PTPRT: variants seen among roughly 807,000 people sequenced by gnomAD.
PTPRT encodes protein tyrosine phosphatase receptor type T.
A neutral mutation model predicts 176.8 loss-of-function variants in PTPRT; 56 were observed. The ratio of observed to expected loss-of-function variants is 0.32; its 90% CI spans 0.26 to 0.40. The LOEUF is 0.40. Ranked by LOEUF, PTPRT falls within the 10% of genes least tolerant of loss-of-function variation. The pLI is 1.00. For missense variants in PTPRT, 1,540 were observed against 1,908.2 expected (o/e 0.81, Z 3.60); for synonymous variants, 783 against 739.0 (o/e 1.06, Z -0.96).
chr20:42,261,770 T>C (rs1347451262), intron 13 of PTPRT, among the ~76,000 whole-genome samples: 1 of 152,120 alleles, frequency 6.6e-6, no homozygotes, highest in East Asian at 1.9e-4. Flanking sequence ...ATAATTCAAT[T>C]CTTTCCAACC....
intron 1 of PTPRT, among the ~76,000 whole-genome samples, chr20:43,125,578 G>C (rs1273759331): frequency 6.6e-6 from 1 of 152,154 alleles, no homozygotes; most frequent in East Asian, 1.9e-4. Flanking sequence ...AGCAAAACTT[G>C]TATTTTAATT....
At chr20:42,812,634 T>C (rs2077716028) in intron 2 of PTPRT, among the ~76,000 whole-genome samples, 2 of 152,164 alleles carry the variant, frequency 1.3e-5, no homozygotes, top group Admixed American at 1.3e-4. Flanking sequence ...CAGGATTTTT[T>C]TTTTATCCAG....
chr20:43,104,230 CAAT>C (rs1440885961), intron 1 of PTPRT, among the ~76,000 whole-genome samples: 1 of 152,148 alleles, frequency 6.6e-6, no homozygotes, highest in African/African-American at 2.4e-5. Flanking sequence ...TCCCAGCACA[CAAT>C]AGGGCCTTCA....
chr20:43,084,444 C>A (rs2011549247), intron 1 of PTPRT, among the ~76,000 whole-genome samples: 1 of 152,118 alleles, frequency 6.6e-6, no homozygotes, highest in South Asian at 2.1e-4. Context: ...GGAGACAGAG[C>A]AAGCAATGGG....
intron 11 of PTPRT, among the ~76,000 whole-genome samples, chr20:42,323,748 A>T (rs888676231): frequency 6.6e-6 from 1 of 152,116 alleles, no homozygotes; most frequent in Non-Finnish European, 1.5e-5. Flanking sequence ...GTACCCTAAA[A>T]CTTAAAGTGT....
chr20:42,860,095 T>G (rs921740142), intron 2 of PTPRT, among the ~76,000 whole-genome samples: 2 of 152,242 alleles, frequency 1.3e-5, no homozygotes, highest in African/African-American at 4.8e-5. Flanking sequence ...GAATATATTT[T>G]GGTACATAGT....
chr20:42,058,893 C>G, the PTPRT span, among the ~76,000 whole-genome samples: 1 of 151,932 alleles, frequency 6.6e-6, no homozygotes. Context: ...AAGGATTGAC[C>G]TACTCTTCAG....
intron 1 of PTPRT, among the ~76,000 whole-genome samples, chr20:42,897,074 G>A (rs2079314433): frequency 6.6e-6 from 1 of 152,080 alleles, no homozygotes; most frequent in Non-Finnish European, 1.5e-5. Flanking sequence ...TAATGGCAGG[G>A]CACGTTCCAA....
intron 1 of PTPRT, among the ~76,000 whole-genome samples, chr20:43,116,036 A>G (rs1399161060): frequency 2.0e-5 from 3 of 152,226 alleles, no homozygotes; most frequent in East Asian, 3.8e-4. Flanking sequence ...TGAGTTCCAA[A>G]AGACAAATCT....
chr20:42,897,063 A>G (rs1014526064), intron 1 of PTPRT, among the ~76,000 whole-genome samples: 1 of 152,186 alleles, frequency 6.6e-6, no homozygotes, highest in Non-Finnish European at 1.5e-5. Context: ...GTAAGCAAAA[A>G]TAATGGCAGG....
chr20:42,053,299 A>G, the PTPRT span, among the ~76,000 whole-genome samples: 1 of 152,206 alleles, frequency 6.6e-6, no homozygotes, highest in Admixed American at 6.5e-5. Flanking sequence ...AGTGCAGTGT[A>G]CAGGTCATCT....
chr20:42,423,164 C>A (rs1229989652), intron 9 of PTPRT, among the ~76,000 whole-genome samples: 1 of 130,854 alleles, frequency 7.6e-6, no homozygotes, highest in African/African-American at 2.8e-5. Context: ...CACTTGTACC[C>A]CTGACCTTAA....
intron 1 of PTPRT, among the ~76,000 whole-genome samples, chr20:43,006,465 A>G (rs1418537725): frequency 6.6e-6 from 1 of 152,150 alleles, no homozygotes; most frequent in African/African-American, 2.4e-5. Flanking sequence ...GTTCTCCTGT[A>G]TCTGCCTGCC....
intron 1 of PTPRT, among the ~76,000 whole-genome samples, chr20:43,035,274 C>A (rs558905605): frequency 6.6e-6 from 1 of 150,488 alleles, no homozygotes; most frequent in African/African-American, 2.4e-5. Flanking sequence ...GGATCCAGGC[C>A]TTACCAAGAG....
At chr20:42,082,847 C>T (rs1983473697) in intron 29 of PTPRT, among the ~76,000 whole-genome samples, 7 of 152,196 alleles carry the variant, frequency 4.6e-5, no homozygotes, top group Admixed American at 4.6e-4. Flanking sequence ...ATGTAATGGT[C>T]TGTGTCTAAA....
chr20:42,261,104 C>T (rs896842324), intron 13 of PTPRT, among the ~76,000 whole-genome samples: 16 of 152,108 alleles, frequency 1.1e-4, no homozygotes, highest in Non-Finnish European at 8.8e-5. Context: ...AAATTTATTC[C>T]CTCACAATTC....
At chr20:42,773,984 C>T (rs772104459) in intron 4 of PTPRT, among the ~76,000 whole-genome samples, 63 of 152,326 alleles carry the variant, frequency 4.1e-4, no homozygotes, top group Non-Finnish European at 7.5e-4. Flanking sequence ...CCACTTCTTC[C>T]TTCTCAGCAA....
At chr20:42,834,507 T>C (rs2078147672) in intron 2 of PTPRT, among the ~76,000 whole-genome samples, 1 of 152,114 alleles carries the variant, frequency 6.6e-6, no homozygotes, top group Non-Finnish European at 1.5e-5. Flanking sequence ...TCAGAAATCT[T>C]AGTATTTACT....
intron 7 of PTPRT, among the ~76,000 whole-genome samples, chr20:42,512,115 G>C (rs974636215): frequency 1.3e-5 from 2 of 152,060 alleles, no homozygotes; most frequent in African/African-American, 4.8e-5. Context: ...ATAAGTAAAT[G>C]TTTAAATTAT....
Sources: gnomAD v4.1 joint callset for allele counts (sites outside exome capture counted in the v4.1 genomes callset) on GRCh38, gnomAD v4.1.1 for gene constraint, MANE v1.5 for transcripts, NCBI Gene and HGNC (gene_info 2026-07-23, HGNC 2026-07-21) for gene names.